The following MAGI2 variants were observed in gnomAD, a reference collection of about 807,000 sequenced individuals.
MAGI2 encodes membrane-associated guanylate kinase, WW and PDZ domain-containing protein 2.
Under a neutral mutation model 133.3 loss-of-function variants are expected in MAGI2, and 35 were observed. The observed-to-expected ratio is 0.26, with a 90% CI of 0.20 to 0.35. The LOEUF (loss-of-function observed/expected upper bound fraction) is 0.35. Ranked by LOEUF, MAGI2 falls within the 10% of genes least tolerant of loss-of-function variation. MAGI2 has a pLI of 1.00. For missense variants in MAGI2, 1,636 were observed against 1,863.4 expected (o/e 0.88, Z 2.25); for synonymous variants, 729 against 710.6 (o/e 1.03, Z -0.41).
In MAGI2 at chr7:78,793,945, T is replaced by C. The variant is rs562197202; in HGVS notation, c.419-166706A>G. ...CTCATGTAGGTATTTAAACAAAATA[T>C]GCTGTATCTTCTGTGCAGTTTTAAA... On this transcript the variant is annotated intron_variant, in intron 2 of 21. Transcript: ENST00000354212. 7.9e-5 allele frequency among the ~76,000 whole-genome samples: 12 copies of C among 152,312 alleles called. No homozygotes were observed. In the South Asian group the frequency reaches 2.5e-3, roughly 32 times the overall value.
intron 2 of MAGI2, among the ~76,000 whole-genome samples, chr7:78,945,320 A>C (rs1387910201): frequency 4.5e-4 from 69 of 152,046 alleles, no homozygotes. Context: ...CCTCGGCCTC[A>C]CAAAGTGCTG....
At chr7:78,616,240 C>A (rs1014209554) in intron 3 of MAGI2, 1 of 152,134 alleles carries the variant, frequency 6.6e-6, no homozygotes. Context: ...ATTGCAGGAC[C>A]TTTCTACCTC....
At chr7:78,502,917 T>C (rs1057356756) in intron 4 of MAGI2, among the ~76,000 whole-genome samples, 3 of 152,172 alleles carry the variant, frequency 2.0e-5, no homozygotes, top group Non-Finnish European at 4.4e-5. Context: ...CACCAGTCTG[T>C]AGATTGAAAT....
intron 9 of MAGI2, among the ~76,000 whole-genome samples, chr7:78,259,692 G>A (rs1793329858): frequency 6.6e-6 from 1 of 152,026 alleles, no homozygotes; most frequent in South Asian, 2.1e-4. Flanking sequence ...CTTCCTCTAA[G>A]GCTCTCCCTA....
At chr7:78,641,833 T>C (rs1045116895) in intron 2 of MAGI2, among the ~76,000 whole-genome samples, 4 of 152,174 alleles carry the variant, frequency 2.6e-5, no homozygotes, top group African/African-American at 9.7e-5. Flanking sequence ...ATGCAATCTT[T>C]GAAATAATAT....
intron 1 of MAGI2, among the ~76,000 whole-genome samples, chr7:79,270,452 A>G: frequency 6.6e-6 from 1 of 152,302 alleles, no homozygotes; most frequent in South Asian, 2.1e-4. Context: ...ACTATTGGCT[A>G]AGATTGAAGC....
intron 21 of MAGI2, among the ~76,000 whole-genome samples, chr7:78,061,415 C>CGT (rs1439154653): frequency 1.7e-4 from 11 of 65,786 alleles, no homozygotes; most frequent in Admixed American, 8.9e-4. Context: ...GTTGTACACA[C>CGT]ACACACACAC....
At chr7:78,498,296 G>A (rs547391734) in intron 5 of MAGI2, among the ~76,000 whole-genome samples, 87 of 152,280 alleles carry the variant, frequency 5.7e-4, no homozygotes, top group African/African-American at 2.0e-3. Context: ...ACACATGGTG[G>A]CTTTGTCCTT....
At chr7:79,099,479 T>A (rs1481385282) in intron 1 of MAGI2, among the ~76,000 whole-genome samples, 1 of 152,184 alleles carries the variant, frequency 6.6e-6, no homozygotes, top group East Asian at 1.9e-4. Context: ...TTTTTTATTT[T>A]TAACTTTTAT....
chr7:78,074,520 A>C (rs753090265), intron 21 of MAGI2, among the ~76,000 whole-genome samples: 4 of 152,154 alleles, frequency 2.6e-5, no homozygotes, highest in Non-Finnish European at 4.4e-5. Flanking sequence ...CGGTTTTCCC[A>C]TGATTAGGGT....
intron 1 of MAGI2, among the ~76,000 whole-genome samples, chr7:79,080,723 A>T (rs1815964370): frequency 6.6e-6 from 1 of 152,090 alleles, no homozygotes; most frequent in South Asian, 2.1e-4. Flanking sequence ...AAAGCACTCT[A>T]GAGTCATTTC....
rs1310392288 is a variant in MAGI2, at chr7:78,707,341, A to C, written c.419-80102T>G. 2.0e-5 allele frequency among the ~76,000 whole-genome samples: 3 copies of C among 152,264 alleles called. No individual in the cohort carries two copies. In the East Asian group the frequency reaches 5.8e-4, roughly 29 times the overall value. ...ATTTAATTGGTGATGTGTTATTAAC[A>C]AAAATTCCTTAAAATATGCCTGAAA... On this transcript the variant is annotated intron_variant, in intron 2 of 21. Coordinates refer to ENST00000354212, the MANE Select transcript of MAGI2 (RefSeq NM_012301.4).
intron 1 of MAGI2, among the ~76,000 whole-genome samples, chr7:79,101,117 C>A (rs145380078): frequency 1.3e-5 from 2 of 151,678 alleles, no homozygotes; most frequent in Non-Finnish European, 2.9e-5. Flanking sequence ...TTTTTCTTTA[C>A]AAAAACATTA....
At chr7:78,231,166 T>C (rs922721180) in intron 10 of MAGI2, among the ~76,000 whole-genome samples, 2 of 152,226 alleles carry the variant, frequency 1.3e-5, no homozygotes, top group African/African-American at 4.8e-5. Context: ...TCCCAGGTAC[T>C]GAGGACCACA....
chr7:78,022,313 G>A (rs1471803782), intron 21 of MAGI2, among the ~76,000 whole-genome samples: 1 of 152,174 alleles, frequency 6.6e-6, no homozygotes, highest in Non-Finnish European at 1.5e-5. Flanking sequence ...CTTGGACCAT[G>A]GTAATGATAT....
intron 1 of MAGI2, among the ~76,000 whole-genome samples, chr7:79,043,264 G>C (rs1335873683): frequency 1.3e-5 from 2 of 151,906 alleles, no homozygotes; most frequent in African/African-American, 2.4e-5. Context: ...GAGACACAAG[G>C]TCGGGTGCAG....
chr7:78,444,779 A>G (rs2151467581), intron 6 of MAGI2, among the ~76,000 whole-genome samples: 1 of 149,514 alleles, frequency 6.7e-6, no homozygotes, highest in South Asian at 2.1e-4. Context: ...ATGTGTATAT[A>G]CTGTATATAC....
intron 3 of MAGI2, among the ~76,000 whole-genome samples, chr7:78,552,043 C>T (rs1193663820): frequency 1.3e-5 from 2 of 152,050 alleles, no homozygotes; most frequent in African/African-American, 4.8e-5. Flanking sequence ...CTGCATCCAG[C>T]TCCAGTTTGC....
intron 1 of MAGI2, among the ~76,000 whole-genome samples, chr7:79,312,226 C>G (rs1472843336): frequency 6.6e-6 from 1 of 152,180 alleles, no homozygotes; most frequent in Non-Finnish European, 1.5e-5. Flanking sequence ...CTAGTCATGT[C>G]ATGTCAGGAC....
Sources: gnomAD v4.1 joint callset for allele counts (sites outside exome capture counted in the v4.1 genomes callset) on GRCh38, gnomAD v4.1.1 for gene constraint, MANE v1.5 for transcripts, NCBI Gene and HGNC (gene_info 2026-07-23, HGNC 2026-07-21) for gene names.